ANAPC13: variants seen among roughly 807,000 people sequenced by gnomAD.
ANAPC13 encodes the protein anaphase promoting complex subunit 13, also known as anaphase-promoting complex subunit 13.
In ANAPC13, 9 loss-of-function variants were observed where a neutral mutation model predicts 9.6. That is an observed-to-expected ratio of 0.94 (90% confidence interval 0.57 to 1.64). ANAPC13 has a LOEUF of 1.64. Ranked by LOEUF, ANAPC13 falls within the 40% of genes most tolerant of loss-of-function variation. The pLI, the probability that ANAPC13 is intolerant of heterozygous loss-of-function variation, is 0.00. For missense variants in ANAPC13, 75 were observed against 85.3 expected, an observed-to-expected ratio of 0.88 and a Z score of 0.48; for synonymous variants, 30 against 29.7, an observed-to-expected ratio of 1.01 and a Z score of -0.03.
In ANAPC13 at chr3:134,478,846, G is replaced by A. The variant is rs1026188113; in HGVS notation, c.100-131C>T. On this transcript the variant is annotated intron_variant, in intron 2 of 2. Transcript: ENST00000354910. ...TAATTGATATGTGTATTCTAAAAAA[G>A]CTAAAATCATACACGTGAGGAAACT... 11 of 1,032,914 alleles carry A rather than the reference G, an allele frequency of 1.1e-5. No individual in the cohort carries two copies. The African/African-American group carries it at 1.5e-4, about 14-fold the overall frequency. The allele number at this position is 1,032,914 out of a possible 1,614,324, so 64.0% of individuals were successfully genotyped here.
chr3:134,483,779 C>A (rs759677512), intron 1 of ANAPC13, among the ~76,000 whole-genome samples: 4 of 152,220 alleles, frequency 2.6e-5, no homozygotes, highest in Non-Finnish European at 4.4e-5. Context: ...AAGCCACTGG[C>A]ATCAAAGGTA....
rs201280783 is a variant in ANAPC13 at position 134,478,684 on chromosome 3, C to T, written c.131G>A (p.Gly44Asp). The part of the protein sequence containing the change: ...NELPEPEQDN[G>D]GTTESVKEQE... ...TTCTTTGACAGATTCTGTGGTGCCACCATTGTCTTGTTCAGGTTCAGGAAG... is the reference window on the plus strand; with the variant it reads ...TTCTTTGACAGATTCTGTGGTGCCATCATTGTCTTGTTCAGGTTCAGGAAG... The change falls in exon 3 of 3, where the codon GGT becomes GAT. Residue 44 changes from glycine to aspartate, a missense_variant. Coordinates refer to ENST00000354910, the MANE Select transcript of ANAPC13 (RefSeq NM_015391.4). 2 of 1,614,110 alleles carry T rather than the reference C, an allele frequency of 1.2e-6. No homozygotes were observed. Among genetic ancestry groups the T allele is most frequent in the Non-Finnish European group, 1.7e-6 (2 of 1,180,016 alleles).
chr3:134,482,680 G>T (rs1934762027), intron 2 of ANAPC13, 126 bp downstream of exon 2: 1 of 822,224 alleles, frequency 1.2e-6, no homozygotes, highest in Non-Finnish European at 2.1e-6. Flanking sequence ...GAAGCTTCTA[G>T]AGTTAGAGAA....
chr3:134,485,770 A>G (rs529190006), intron 1 of ANAPC13, 182 bp downstream of exon 1: 1 of 159,926 alleles, frequency 6.3e-6, no homozygotes, highest in African/African-American at 2.4e-5. Context: ...GGAAGCGGAG[A>G]CGGGGAGGTC....
At position 134,478,516 on chromosome 3, in the gene ANAPC13, A is replaced by C. The variant is rs1229094980; in HGVS notation, c.*74T>G. ...GCTGATTTATTACTCAAAGGTTTGAATTTGGAGACTGAAACAAACCATGCT... is the reference window on the plus strand; with the variant it reads ...GCTGATTTATTACTCAAAGGTTTGACTTTGGAGACTGAAACAAACCATGCT... On this transcript the variant is annotated 3_prime_UTR_variant, in exon 3 of 3. Coordinates refer to ENST00000354910, the MANE Select transcript of ANAPC13 (RefSeq NM_015391.4). 1.1e-5 allele frequency: 17 copies of C among 1,538,552 alleles called. No individual in the cohort carries two copies. The highest frequency in any genetic ancestry group is 1.3e-5 in the Non-Finnish European group (15 of 1,137,098).
At chr3:134,483,330 C>T in intron 1 of ANAPC13, 1 of 168,514 alleles carries the variant, frequency 5.9e-6, no homozygotes, top group East Asian at 1.6e-4. Context: ...TAGCCCCTGG[C>T]TCAAACCTCA....
At position 134,478,320 on chromosome 3, in the gene ANAPC13, A is replaced by G. The variant is rs564717554; in HGVS notation, c.*270T>C. On this transcript the variant is annotated 3_prime_UTR_variant, in exon 3 of 3. Transcript: ENST00000354910. ...TGTTAAACTTTGACAGCAAAGCAAA[A>G]TCAGAGGTAGAGGCAAATGTTTAAC... 3.4e-5 allele frequency: 12 copies of G among 352,916 alleles called. No individual in the cohort carries two copies. The highest frequency in any genetic ancestry group is 5.6e-5 in the Non-Finnish European group (11 of 195,338). 21.9% of individuals were successfully genotyped at this position (352,916 alleles called of 1,614,324 possible).
chr3:134,485,883 T>A (rs1249731092), intron 1 of ANAPC13, 69 bp downstream of exon 1: 3 of 611,628 alleles, frequency 4.9e-6, no homozygotes, highest in Non-Finnish European at 2.0e-6. Context: ...TAGGGGGAAG[T>A]CCGACACTGA....
At chr3:134,483,208 A>G (rs1934779530) in intron 1 of ANAPC13, 5 of 351,920 alleles carry the variant, frequency 1.4e-5, no homozygotes, top group Non-Finnish European at 1.6e-5. Flanking sequence ...TCAAATATTA[A>G]TATGTTGCAT....
chr3:134,482,597 T>G (rs992067661), intron 2 of ANAPC13: 1 of 580,532 alleles, frequency 1.7e-6, no homozygotes, highest in Non-Finnish European at 3.1e-6. Flanking sequence ...GCATGACTCC[T>G]AACTGACCTG....
chr3:134,478,899 G>A (rs1402679593), intron 2 of ANAPC13, among the ~76,000 whole-genome samples, 184 bp from the exon 3 acceptor site: 1 of 152,182 alleles, frequency 6.6e-6, no homozygotes, highest in South Asian at 2.1e-4. Flanking sequence ...AACATGGCCC[G>A]GGCCTTCTTC....
intron 2 of ANAPC13, among the ~76,000 whole-genome samples, 192 bp from the exon 3 acceptor site, chr3:134,478,907 T>G (rs548684890): frequency 6.6e-6 from 1 of 152,352 alleles, no homozygotes; most frequent in African/African-American, 2.4e-5. Flanking sequence ...CCGGGCCTTC[T>G]TCAGTAGGGA....
intron 2 of ANAPC13, chr3:134,482,601 T>A (rs559453286): frequency 3.4e-6 from 2 of 581,776 alleles, no homozygotes; most frequent in South Asian, 4.3e-5. Context: ...GACTCCTAAC[T>A]GACCTGGCCA....
intron 2 of ANAPC13, among the ~76,000 whole-genome samples, chr3:134,481,922 T>C (rs909692309): frequency 1.3e-5 from 2 of 152,266 alleles, no homozygotes; most frequent in Non-Finnish European, 2.9e-5. Context: ...ATTCAATAAA[T>C]GACATCTATA....
chr3:134,485,216 T>A (rs915810106), intron 1 of ANAPC13: 1 of 152,222 alleles, frequency 6.6e-6, no homozygotes, highest in African/African-American at 2.4e-5. Flanking sequence ...ATCAAGATAA[T>A]CAATGCCCAG....
chr3:134,482,618 C>T, intron 2 of ANAPC13, 188 bp downstream of exon 2: 1 of 603,816 alleles, frequency 1.7e-6, no homozygotes, highest in South Asian at 2.0e-5. Context: ...GCCATGTTAG[C>T]TCCCTGAACC....
intron 1 of ANAPC13, 148 bp from the exon 2 acceptor site, chr3:134,483,079 A>G: frequency 1.6e-6 from 1 of 621,570 alleles, no homozygotes; most frequent in South Asian, 1.9e-5. Flanking sequence ...CTTTGATCAC[A>G]GTTCCTCTCT....
At chr3:134,481,985 T>C (rs188912572) in intron 2 of ANAPC13, among the ~76,000 whole-genome samples, 1 of 152,374 alleles carries the variant, frequency 6.6e-6, no homozygotes, top group Admixed American at 6.5e-5. Context: ...AACTAAGCTA[T>C]GACTTATTTG....
chr3:134,481,568 TTTA>T (rs778006958), intron 2 of ANAPC13, among the ~76,000 whole-genome samples: 3 of 152,224 alleles, frequency 2.0e-5, no homozygotes, highest in Non-Finnish European at 4.4e-5. Context: ...ACCTAGAATA[TTTA>T]TTATCACAAT....
Sources: allele counts gnomAD v4.1 joint callset (sites outside exome capture counted in the v4.1 genomes callset), GRCh38; gene constraint gnomAD v4.1.1; transcripts MANE v1.5; gene names NCBI Gene and HGNC (gene_info 2026-07-23, HGNC 2026-07-21).